The following NOS1 variants were observed in gnomAD, a reference collection of about 807,000 sequenced individuals.
NOS1 encodes nitric oxide synthase 1.
In NOS1, 51 loss-of-function variants were observed where a neutral mutation model predicts 164.5. The ratio of observed to expected loss-of-function variants is 0.31; its 90% CI spans 0.25 to 0.39. The LOEUF (loss-of-function observed/expected upper bound fraction) is 0.39. Among genes scored for constraint, NOS1 ranks in the 10% least tolerant of loss-of-function variants. The pLI is 1.00. For missense variants in NOS1, 1,362 were observed against 1,885.6 expected (o/e 0.72, Z 5.14); for synonymous variants, 719 against 745.8 (o/e 0.96, Z 0.59).
intron 7 of NOS1, among the ~76,000 whole-genome samples, chr12:117,281,124 T>C (rs914220832): frequency 2.6e-5 from 4 of 152,280 alleles, no homozygotes; most frequent in Admixed American, 2.6e-4. Flanking sequence ...AGAATCTCTT[T>C]CTAGCTGGAG....
At chr12:117,285,975 T>C in intron 6 of NOS1, 129 bp downstream of exon 6, 1 of 970,724 alleles carries the variant, frequency 1.0e-6, no homozygotes, top group Non-Finnish European at 1.5e-6. Context: ...CCCGTGACCA[T>C]CATCTGATAG....
At chr12:117,327,988 G>T (rs1314067938) in intron 2 of NOS1, among the ~76,000 whole-genome samples, 1 of 152,084 alleles carries the variant, frequency 6.6e-6, no homozygotes, top group Non-Finnish European at 1.5e-5. Context: ...GGTGGGCTGT[G>T]ACAGACTGAG....
chr12:117,280,846 G>C lies in NOS1; in HGVS notation c.1403C>G (p.Pro468Arg). The part of the protein sequence containing the change: ...GNLRSAITIF[P>R]QRTDGKHDFR... ...GTCGTGCTTGCCGTCTGTCCTCTGG[G>C]GGAATATGGTGATGGCAGACCTGTG... Residue 468 changes from proline (P) to arginine (R), a missense_variant, in exon 8 of 29, where the codon CCC becomes CGC. Physicochemically the swap from Pro to Arg is moderately radical, Grantham distance 103. Transcript: ENST00000317775. 2 of 1,614,142 alleles carry C rather than the reference G, an allele frequency of 1.2e-6. No homozygotes were observed. The highest frequency in any genetic ancestry group is 2.2e-5 in the East Asian group (1 of 44,866).
intron 1 of NOS1, among the ~76,000 whole-genome samples, chr12:117,337,135 A>G (rs1202314789): frequency 1.7e-4 from 8 of 46,746 alleles, no homozygotes; most frequent in Non-Finnish European, 2.3e-4. Context: ...TTTTTTTTTG[A>G]GACGGAGTCT....
intron 2 of NOS1, among the ~76,000 whole-genome samples, chr12:117,317,789 T>C (rs569759451): frequency 2.0e-5 from 3 of 152,238 alleles, no homozygotes; most frequent in Admixed American, 1.3e-4. Flanking sequence ...GGCATTGTGG[T>C]GGCCAGTGTG....
Position 117,222,856 on chromosome 12 carries a change from G to T in NOS1, c.3834C>A (p.Asn1278Lys). 2 of 1,613,464 alleles carry T rather than the reference G, an allele frequency of 1.2e-6. No individual in the cohort carries two copies. Among genetic ancestry groups the T allele is most frequent in the Non-Finnish European group, 1.7e-6 (2 of 1,179,702 alleles). ...RQFDIQHKGM[N>K]PCPMVLVFGC... ...CGAAGACCAGGACCATGGGGCAGGGGTTCATTCCTGGGGACCAGGAAGACC... is the reference window on the plus strand; with the variant it reads ...CGAAGACCAGGACCATGGGGCAGGGTTTCATTCCTGGGGACCAGGAAGACC... The change falls in exon 26 of 29, where the codon AAC (asparagine) becomes AAA (lysine). Residue 1278 changes from asparagine (N) to lysine (K), a missense_variant. Around this residue, in one of 4 missense-constraint regions of NOS1, gnomAD observed 737 missense variants for 1,030.3 expected, o/e 0.72. Coordinates refer to ENST00000317775, the MANE Select transcript of NOS1 (RefSeq NM_000620.5).
chr12:117,299,216 G>A (rs1373255064), intron 3 of NOS1, among the ~76,000 whole-genome samples: 4 of 152,326 alleles, frequency 2.6e-5, no homozygotes, highest in East Asian at 1.9e-4. Flanking sequence ...CCACTTATCC[G>A]TACAATTAAA....
At chr12:117,305,237 T>C (rs932574822) in intron 3 of NOS1, among the ~76,000 whole-genome samples, 2 of 151,598 alleles carry the variant, frequency 1.3e-5, no homozygotes, top group Non-Finnish European at 2.9e-5. Flanking sequence ...CCGAGGCGGG[T>C]GGATCACAAG....
intron 2 of NOS1, among the ~76,000 whole-genome samples, chr12:117,322,537 CTCCT>C (rs1875020766): frequency 8.1e-6 from 1 of 123,234 alleles, no homozygotes; most frequent in Non-Finnish European, 1.7e-5. Context: ...CCTTCCCTCT[CTCCT>C]TCTTTCCTTC....
At position 117,259,080 on chromosome 12, in the gene NOS1, C is replaced by T. The variant is rs527264691; in HGVS notation, c.2418G>A (p.Leu806=). 6 of 1,614,116 alleles carry T rather than the reference C, an allele frequency of 3.7e-6. No individual in the cohort carries two copies. In the South Asian group the frequency reaches 4.4e-5, roughly 12 times the overall value. ...YDIVHLEHET[L]VLVVTSTFGN... is the part of the protein sequence containing the mutation. ...CAAAGGTGCTGGTGACCACAAGGAC[C>T]AGAGTTTCATGTTCCAGGTGCACAA... is the stretch of plus-strand genomic sequence containing the variant. The change falls in exon 15 of 29, where the codon CTG becomes CTA. Residue 806 remains leucine, a synonymous_variant. Coordinates refer to ENST00000317775, the MANE Select transcript of NOS1 (RefSeq NM_000620.5).
rs1875250935 is a variant in NOS1 at position 117,326,402 on chromosome 12, CAAAAAAA to C, written c.725+3936_725+3942del. Reference sequence around the variant, plus strand: ...CTCTGTCTCAAAAAAAAAAAAAAAACAAAAAAACAAAAACAAAAACAAAAAGAAATGG... The same window carrying C: ...CTCTGTCTCAAAAAAAAAAAAAAAACCAAAAACAAAAACAAAAAGAAATGG... On this transcript the variant is annotated intron_variant, in intron 2 of 28. Transcript: ENST00000317775. 1.8e-3 allele frequency among the ~76,000 whole-genome samples: 24 copies of C among 13,650 alleles called. No homozygotes were observed. The South Asian group carries it at 0.11, about 61-fold the overall frequency. The allele number at this position is 13,650 out of a possible 152,430, so 9.0% of individuals were successfully genotyped here.
chr12:117,210,649 G>C lies in NOS1; in HGVS notation c.*4660C>G, dbSNP rs1198573273. 1.0e-6 allele frequency: 1 copy of C among 985,344 alleles called. No individual in the cohort carries two copies. Among genetic ancestry groups the C allele is most frequent in the Non-Finnish European group, 1.2e-6 (1 of 829,958 alleles). The allele number at this position is 985,344 out of a possible 1,614,324, so 61.0% of individuals were successfully genotyped here. On this transcript the variant is annotated 3_prime_UTR_variant, in exon 29 of 29. Transcript: ENST00000317775. ...ATCCTATTAGGACCATTTGCCCTAT[G>C]AGCTAGGTCAGGACACCTCTCACTT...
Position 117,291,529 on chromosome 12 carries a change from CTTT to C in NOS1, c.853-1106_853-1104del, listed in dbSNP as rs565345654. Among the ~76,000 whole-genome samples, 344 of 97,372 alleles carry C rather than the reference CTTT, an allele frequency of 3.5e-3. 2 individuals are homozygous for C. Among genetic ancestry groups the C allele is most frequent in the African/African-American group, 0.013 (311 of 24,800 alleles). The allele number at this position is 97,372 out of a possible 152,430, so 63.9% of individuals were successfully genotyped here. The stretch of plus-strand genomic sequence containing the variant: ...CCTCACTGATAAGGATTACATCTGT[CTTT>C]TTTTTTTTTTTTTTTTTTTGAGATA... On this transcript the variant is annotated intron_variant, in intron 3 of 28. Transcript: ENST00000317775.
Position 117,294,877 on chromosome 12 carries a change from T to C in NOS1, c.853-4451A>G, listed in dbSNP as rs552525932. On this transcript the variant is annotated intron_variant, in intron 3 of 28. Transcript: ENST00000317775. ...GTGTGCAAAGGAGGCCATGATCTCA[T>C]GGGCATTTTCATAGCCTTGTCAACA... Among the ~76,000 whole-genome samples, 8 of 152,266 alleles carry C rather than the reference T, an allele frequency of 5.3e-5. No individual in the cohort carries two copies. In the South Asian group the frequency reaches 1.5e-3, roughly 28 times the overall value.
chr12:117,324,837 C>G (rs1875165111), intron 2 of NOS1, among the ~76,000 whole-genome samples: 1 of 148,008 alleles, frequency 6.8e-6, no homozygotes, highest in Non-Finnish European at 1.5e-5. Context: ...GCTGGAGCCA[C>G]CTTCCTCCTG....
At chr12:117,226,649 G>A in intron 24 of NOS1, 34 bp downstream of exon 24, 7 of 1,592,392 alleles carry the variant, frequency 4.4e-6, no homozygotes, top group Non-Finnish European at 6.0e-6. Flanking sequence ...GCAGATTTGA[G>A]ATGATTGCTC....
chr12:117,275,063 G>A (rs970629218), intron 9 of NOS1, among the ~76,000 whole-genome samples: 2 of 152,010 alleles, frequency 1.3e-5, no homozygotes, highest in African/African-American at 2.4e-5. Context: ...AAATGTTTGA[G>A]GGGATAAATA....
At chr12:117,324,322 G>T (rs1875133225) in intron 2 of NOS1, among the ~76,000 whole-genome samples, 1 of 152,306 alleles carries the variant, frequency 6.6e-6, no homozygotes, top group South Asian at 2.1e-4. Context: ...AGCAGGGCGA[G>T]GCTGACCTGC....
chr12:117,312,728 T>A (rs1874493762), intron 2 of NOS1, among the ~76,000 whole-genome samples: 1 of 152,186 alleles, frequency 6.6e-6, no homozygotes, highest in African/African-American at 2.4e-5. Flanking sequence ...TGTCCAGGAA[T>A]GATTGTTAAT....
Sources: allele counts gnomAD v4.1 joint callset (sites outside exome capture counted in the v4.1 genomes callset), GRCh38; gene constraint gnomAD v4.1.1; regional missense constraint gnomAD v4.1.1; transcripts MANE v1.5; gene names NCBI Gene and HGNC (gene_info 2026-07-23, HGNC 2026-07-21).